KLF12: variants seen among roughly 807,000 people sequenced by gnomAD.
KLF12 encodes the protein KLF transcription factor 12.
Under a neutral mutation model 37.8 loss-of-function variants are expected in KLF12, and 9 were observed. The ratio of observed to expected loss-of-function variants is 0.24; its 90% confidence interval spans 0.14 to 0.42. The LOEUF (loss-of-function observed/expected upper bound fraction) is 0.42. Among genes scored for constraint, KLF12 ranks in the 10% least tolerant of loss-of-function variants. The pLI is 1.00. For synonymous variants in KLF12, 208 were observed against 202.1 expected, an observed-to-expected ratio of 1.03 and a Z score of -0.25; for missense variants, 411 against 516.0, an observed-to-expected ratio of 0.80 and a Z score of 1.97.
At chr13:74,104,874 C>G (rs1876566921) in intron 1 of KLF12, among the ~76,000 whole-genome samples, 1 of 152,072 alleles carries the variant, frequency 6.6e-6, no homozygotes, top group Non-Finnish European at 1.5e-5. Flanking sequence ...TAATCATTAC[C>G]AAAATTGGGT....
At chr13:73,843,137 G>A (rs549174681) in intron 4 of KLF12, among the ~76,000 whole-genome samples, 3 of 152,094 alleles carry the variant, frequency 2.0e-5, no homozygotes, top group African/African-American at 7.2e-5. Context: ...AATGTCTTGA[G>A]GTAGTTTTTC....
intron 5 of KLF12, among the ~76,000 whole-genome samples, chr13:73,786,502 G>T (rs1198306649): frequency 6.6e-6 from 1 of 151,934 alleles, no homozygotes; most frequent in African/African-American, 2.4e-5. Flanking sequence ...TGTATTTGTT[G>T]TTGTTATAGG....
In KLF12 at chr13:73,689,781, G is replaced by T. The variant is rs1475413681; in HGVS notation, c.*5709C>A. On this transcript the variant is annotated 3_prime_UTR_variant, in exon 8 of 8. Transcript: ENST00000377669. Reference sequence around the variant, plus strand: ...AAAGATGAATTTGTGCGTTTGATATGAGTGGATAAAATGAACAAGCAAACA... The same window carrying T: ...AAAGATGAATTTGTGCGTTTGATATTAGTGGATAAAATGAACAAGCAAACA... 6.6e-6 allele frequency: 1 copy of T among 152,180 alleles called. No individual in the cohort carries two copies. The highest frequency in any genetic ancestry group is 1.5e-5 in the Non-Finnish European group (1 of 68,022). The allele number at this position is 152,180 out of a possible 1,614,324, so 9.4% of individuals were successfully genotyped here. A position where few individuals can be genotyped will look rare whatever the true frequency, so the allele number is the denominator to read the frequency against.
the KLF12 span, among the ~76,000 whole-genome samples, chr13:74,185,989 G>A: frequency 6.6e-6 from 1 of 152,098 alleles, no homozygotes; most frequent in African/African-American, 2.4e-5. Context: ...TCTTTAATCA[G>A]AACAGTGATG....
the KLF12 span, among the ~76,000 whole-genome samples, chr13:74,276,268 A>G: frequency 6.6e-6 from 1 of 151,940 alleles, no homozygotes; most frequent in Non-Finnish European, 1.5e-5. Flanking sequence ...TGAGAATGAT[A>G]TGCCTGGCTA....
intron 1 of KLF12, among the ~76,000 whole-genome samples, chr13:74,104,578 G>T (rs1241001067): frequency 1.3e-5 from 2 of 152,104 alleles, no homozygotes; most frequent in African/African-American, 4.8e-5. Context: ...TACTCCCATT[G>T]CCCAATGTAA....
At chr13:74,053,896 T>C (rs756049815) in intron 1 of KLF12, among the ~76,000 whole-genome samples, 13 of 152,182 alleles carry the variant, frequency 8.5e-5, no homozygotes, top group African/African-American at 1.9e-4. Context: ...TAGAGACACA[T>C]AGTCATTAAA....
intron 6 of KLF12, among the ~76,000 whole-genome samples, chr13:73,750,955 T>C (rs1207957224): frequency 6.6e-6 from 1 of 152,122 alleles, no homozygotes; most frequent in Non-Finnish European, 1.5e-5. Context: ...ATACGTAGTG[T>C]TAAGGGCTTT....
In KLF12 at chr13:73,842,405, C is replaced by T. The variant is rs138411711; in HGVS notation, c.670+3422G>A. Among the ~76,000 whole-genome samples, 127 of 152,330 alleles carry T rather than the reference C, an allele frequency of 8.3e-4. 1 individual carries two copies. The highest frequency in any genetic ancestry group is 2.9e-3 in the African/African-American group (121 of 41,588). On this transcript the variant is annotated intron_variant, in intron 4 of 7. Transcript: ENST00000377669. The stretch of plus-strand genomic sequence containing the variant: ...TATTTCGTGGAAAGTCAGTAGCTCT[C>T]ATTAGACTGTAAGCACTATGAGACA...
chr13:73,824,363 G>A (rs140801926), intron 4 of KLF12, among the ~76,000 whole-genome samples: 8 of 152,194 alleles, frequency 5.3e-5, no homozygotes, highest in African/African-American at 1.9e-4. Flanking sequence ...ACAGACTTCT[G>A]GGACACTGGA....
chr13:73,851,464 TGGC>T, intron 3 of KLF12, among the ~76,000 whole-genome samples: 2 of 152,342 alleles, frequency 1.3e-5, no homozygotes, highest in Middle Eastern at 6.8e-3. Flanking sequence ...TGAGTTAGAT[TGGC>T]CCACAGGAAG....
chr13:74,279,173 A>G, the KLF12 span, among the ~76,000 whole-genome samples: 1 of 152,018 alleles, frequency 6.6e-6, no homozygotes, highest in Non-Finnish European at 1.5e-5. Flanking sequence ...CCTGGGGGAG[A>G]GTCTCTTCCA....
the KLF12 span, among the ~76,000 whole-genome samples, chr13:74,158,982 G>A: frequency 2.0e-5 from 3 of 152,156 alleles, no homozygotes; most frequent in Non-Finnish European, 2.9e-5. Flanking sequence ...GAGCATGTGC[G>A]CCTACTATGT....
intron 1 of KLF12, among the ~76,000 whole-genome samples, chr13:74,029,379 G>T (rs976342820): frequency 1.3e-5 from 2 of 151,902 alleles, no homozygotes; most frequent in African/African-American, 2.4e-5. Flanking sequence ...CAACTACTTA[G>T]TTTTCAACGT....
At chr13:73,886,476 G>T (rs531213747) in intron 3 of KLF12, among the ~76,000 whole-genome samples, 6 of 152,060 alleles carry the variant, frequency 3.9e-5, no homozygotes, top group Non-Finnish European at 7.4e-5. Context: ...GAAAAATAGG[G>T]GGGTAGGGTG....
the KLF12 span, among the ~76,000 whole-genome samples, chr13:74,305,438 T>A: frequency 6.6e-6 from 1 of 152,084 alleles, no homozygotes; most frequent in African/African-American, 2.4e-5. Flanking sequence ...ATTTAGTTGT[T>A]TTTTCCCTTT....
At chr13:74,025,424 G>C (rs761901056) in intron 1 of KLF12, among the ~76,000 whole-genome samples, 1 of 151,938 alleles carries the variant, frequency 6.6e-6, no homozygotes, top group South Asian at 2.1e-4. Context: ...GTTGCTAATC[G>C]ACTCATAAAG....
the KLF12 span, among the ~76,000 whole-genome samples, chr13:74,201,601 C>T: frequency 1.4e-4 from 21 of 152,102 alleles, no homozygotes; most frequent in Non-Finnish European, 2.4e-4. Context: ...ATCACTGGAT[C>T]TAAAGTTACT....
chr13:74,104,133 A>C (rs1245311343), intron 1 of KLF12, among the ~76,000 whole-genome samples: 1 of 152,212 alleles, frequency 6.6e-6, no homozygotes, highest in Admixed American at 6.5e-5. Flanking sequence ...AGTATCCCAG[A>C]TAAGGTGTTT....
Sources: gnomAD v4.1 joint callset for allele counts (sites outside exome capture counted in the v4.1 genomes callset) on GRCh38, gnomAD v4.1.1 for gene constraint, MANE v1.5 for transcripts, NCBI Gene and HGNC (gene_info 2026-07-23, HGNC 2026-07-21) for gene names.